Variants in CACNA2D3 observed in about 807,000 individuals in gnomAD.
CACNA2D3 encodes the protein voltage-dependent calcium channel subunit alpha-2/delta-3.
Under a neutral mutation model 160.6 loss-of-function variants are expected in CACNA2D3, and 60 were observed. The ratio of observed to expected loss-of-function variants is 0.37; its 90% CI spans 0.30 to 0.46. The LOEUF (loss-of-function observed/expected upper bound fraction) is 0.46. CACNA2D3 is among the 20% of genes least tolerant of loss of function. The pLI, the probability that CACNA2D3 is intolerant of heterozygous loss-of-function variation, is 1.00. For missense variants in CACNA2D3, 1,205 were observed against 1,365.0 expected (o/e 0.88, Z 1.85); for synonymous variants, 558 against 492.9 (o/e 1.13, Z -1.75).
intron 25 of CACNA2D3, among the ~76,000 whole-genome samples, chr3:54,893,495 C>G (rs182041309): frequency 7.2e-5 from 11 of 152,226 alleles, no homozygotes; most frequent in South Asian, 2.1e-4. Flanking sequence ...CCTATCCCCT[C>G]CCATCAAATG....
chr3:54,364,854 T>C (rs1188348756), intron 3 of CACNA2D3, among the ~76,000 whole-genome samples: 1 of 152,200 alleles, frequency 6.6e-6, no homozygotes, highest in Non-Finnish European at 1.5e-5. Flanking sequence ...TAAATAATCA[T>C]ATTTAGCTTT....
intron 9 of CACNA2D3, among the ~76,000 whole-genome samples, chr3:54,605,749 G>A (rs1698595949): frequency 6.6e-6 from 1 of 152,106 alleles, no homozygotes. Flanking sequence ...AGTCCTTCTG[G>A]GGACATTACT....
chr3:55,070,988 A>G (rs1169884327), intron 35 of CACNA2D3, among the ~76,000 whole-genome samples: 1 of 152,158 alleles, frequency 6.6e-6, no homozygotes, highest in Non-Finnish European at 1.5e-5. Context: ...TTAACAGATC[A>G]TGCTTTCAGA....
intron 2 of CACNA2D3, among the ~76,000 whole-genome samples, chr3:54,318,105 T>C (rs1703907878): frequency 6.6e-6 from 1 of 151,900 alleles, no homozygotes; most frequent in African/African-American, 2.4e-5. Context: ...TTGCAATTAC[T>C]CTGCAATAGG....
intron 4 of CACNA2D3, among the ~76,000 whole-genome samples, chr3:54,454,030 C>T (rs924610401): frequency 1.3e-5 from 2 of 152,058 alleles, no homozygotes; most frequent in Non-Finnish European, 2.9e-5. Context: ...CACTGATGTC[C>T]TTCTAATTTG....
intron 9 of CACNA2D3, among the ~76,000 whole-genome samples, chr3:54,596,046 G>A (rs1041945004): frequency 5.3e-5 from 8 of 152,176 alleles, no homozygotes; most frequent in Middle Eastern, 3.4e-3. Flanking sequence ...TGGGGAGGGC[G>A]GGGGAAGAAG....
At chr3:54,304,719 T>A (rs1185004207) in intron 2 of CACNA2D3, among the ~76,000 whole-genome samples, 5 of 152,216 alleles carry the variant, frequency 3.3e-5, no homozygotes, top group Non-Finnish European at 5.9e-5. Context: ...GGACATGGGC[T>A]ATCGAATGAG....
Position 54,587,267 on chromosome 3 carries a change from G to A in CACNA2D3, c.963+5390G>A, listed in dbSNP as rs1165847142. On this transcript the variant is annotated intron_variant, in intron 9 of 37. Transcript: ENST00000474759. ...AACCTCTACCAAGACTGATAAAAATGAAGAGAGGGGCAGGCGCGGTGGCTC... is the reference window on the plus strand; with the variant it reads ...AACCTCTACCAAGACTGATAAAAATAAAGAGAGGGGCAGGCGCGGTGGCTC... 4.6e-5 allele frequency among the ~76,000 whole-genome samples: 7 copies of A among 151,896 alleles called. No homozygotes were observed. In the East Asian group the frequency reaches 1.4e-3, roughly 30 times the overall value.
At chr3:54,287,576 C>A (rs1203008804) in intron 2 of CACNA2D3, among the ~76,000 whole-genome samples, 1 of 144,644 alleles carries the variant, frequency 6.9e-6, no homozygotes. Context: ...CCAAGCAGAC[C>A]TAATAGACAT....
intron 4 of CACNA2D3, among the ~76,000 whole-genome samples, chr3:54,489,633 G>C (rs908024887): frequency 6.6e-6 from 1 of 152,302 alleles, no homozygotes; most frequent in East Asian, 1.9e-4. Context: ...AGCAGAGCTG[G>C]GGTTGGAACT....
At chr3:54,360,521 A>G (rs1057391588) in intron 3 of CACNA2D3, among the ~76,000 whole-genome samples, 3 of 152,094 alleles carry the variant, frequency 2.0e-5, no homozygotes, top group Non-Finnish European at 2.9e-5. Flanking sequence ...CTCAGGCTGC[A>G]GGGGTATCGA....
At chr3:54,556,517 G>A (rs6809813) in intron 5 of CACNA2D3, among the ~76,000 whole-genome samples, 121,642 of 152,046 alleles carry the variant, frequency 0.8, 48,813 homozygotes, top group African/African-American at 0.86. Flanking sequence ...GAATTGTGAG[G>A]GAATAAATCT....
intron 27 of CACNA2D3, among the ~76,000 whole-genome samples, chr3:54,916,614 G>GCCCACACTAGCTATGAAGCA (rs1225472649): frequency 6.6e-5 from 10 of 152,276 alleles, no homozygotes; most frequent in African/African-American, 2.2e-4. Flanking sequence ...GGTGTGTGGG[G>GCCCACACTAGCTATGAAGCA]CCCACACTAG....
chr3:54,932,883 T>C (rs1701226800), intron 27 of CACNA2D3, among the ~76,000 whole-genome samples: 1 of 152,164 alleles, frequency 6.6e-6, no homozygotes, highest in Non-Finnish European at 1.5e-5. Flanking sequence ...GCACCACAAA[T>C]CCATGCAGAA....
chr3:54,748,319 A>G (rs1701794075), intron 11 of CACNA2D3, among the ~76,000 whole-genome samples: 1 of 152,174 alleles, frequency 6.6e-6, no homozygotes, highest in East Asian at 1.9e-4. Context: ...AAAGAAGGGT[A>G]CCCCTCTCAG....
chr3:54,772,623 T>TTTA (rs1186079583), intron 13 of CACNA2D3, among the ~76,000 whole-genome samples: 1 of 152,174 alleles, frequency 6.6e-6, no homozygotes, highest in Non-Finnish European at 1.5e-5. Context: ...TCCAAATAAA[T>TTTA]GACTTAATGT....
At chr3:54,889,234 G>A (rs1699999175) in intron 24 of CACNA2D3, among the ~76,000 whole-genome samples, 1 of 152,208 alleles carries the variant, frequency 6.6e-6, no homozygotes, top group African/African-American at 2.4e-5. Flanking sequence ...TTTATACTCA[G>A]AGCAGTGGAA....
intron 2 of CACNA2D3, among the ~76,000 whole-genome samples, chr3:54,288,673 A>G (rs548449665): frequency 3.0e-4 from 46 of 152,332 alleles, no homozygotes; most frequent in Middle Eastern, 3.4e-3. Flanking sequence ...AATATCCTCA[A>G]TCAAATACTG....
rs1347048711 is a variant in CACNA2D3 at position 54,811,510 on chromosome 3, T to A, written c.1381-5343T>A. On this transcript the variant is annotated intron_variant, in intron 13 of 37. Transcript: ENST00000474759. ...TTTTTTTTTTTTTTTTTTTTTTTTT[T>A]TTTTTGAGACAGCATCTCACTCTGT... 4.2e-4 allele frequency among the ~76,000 whole-genome samples: 33 copies of A among 77,854 alleles called. 1 individual carries two copies. The highest frequency in any genetic ancestry group is 1.7e-3 in the African/African-American group (33 of 19,040). The allele number at this position is 77,854 out of a possible 152,430, so 51.1% of individuals were successfully genotyped here. A position where few individuals can be genotyped will look rare whatever the true frequency, so the allele number is the denominator to read the frequency against.
Sources: gnomAD v4.1 joint callset for allele counts (sites outside exome capture counted in the v4.1 genomes callset) on GRCh38, gnomAD v4.1.1 for gene constraint, MANE v1.5 for transcripts, NCBI Gene and HGNC (gene_info 2026-07-23, HGNC 2026-07-21) for gene names.